The following SPAG16 variants were observed in gnomAD, a reference collection of about 807,000 sequenced individuals.
The protein encoded by SPAG16 is sperm associated antigen 16, also known as sperm-associated antigen 16 protein.
Under a neutral mutation model 80.4 loss-of-function variants are expected in SPAG16, and 86 were observed. That is an observed-to-expected ratio of 1.07 (90% confidence interval 0.90 to 1.28). The LOEUF (loss-of-function observed/expected upper bound fraction) is 1.28. Among genes scored for constraint, SPAG16 ranks in the 50% most tolerant of loss-of-function variants. SPAG16 has a pLI of 0.00. For synonymous variants in SPAG16, 294 were observed against 265.9 expected, an observed-to-expected ratio of 1.11 and a Z score of -1.03; for missense variants, 870 against 765.3, an observed-to-expected ratio of 1.14 and a Z score of -1.61.
At chr2:214,343,212 T>TA (rs796596834) in intron 15 of SPAG16, among the ~76,000 whole-genome samples, 2 of 152,298 alleles carry the variant, frequency 1.3e-5, no homozygotes, top group African/African-American at 4.8e-5. Context: ...CCTCATCTTA[T>TA]ATATGGAGGA....
In SPAG16 at chr2:213,302,820, A is replaced by G. The variant is rs574993153; in HGVS notation, c.279+5463A>G. On this transcript the variant is annotated intron_variant, in intron 3 of 15. Coordinates refer to ENST00000331683, the MANE Select transcript of SPAG16 (RefSeq NM_024532.5). ...GCATGGTGCACATTCAGGAAGACAC[A>G]GAATGCAAACATTTATTTGAAAGGG... Among the ~76,000 whole-genome samples, 4 of 152,264 alleles carry G rather than the reference A, an allele frequency of 2.6e-5. No individual in the cohort carries two copies. The South Asian group carries it at 8.3e-4, about 32-fold the overall frequency.
chr2:213,917,044 TC>T (rs1386707470), intron 11 of SPAG16, among the ~76,000 whole-genome samples: 1 of 152,208 alleles, frequency 6.6e-6, no homozygotes, highest in Non-Finnish European at 1.5e-5. Flanking sequence ...GGGAATACTT[TC>T]CCCATTGCTT....
At chr2:213,309,302 A>G (rs2063083436) in intron 3 of SPAG16, among the ~76,000 whole-genome samples, 2 of 152,092 alleles carry the variant, frequency 1.3e-5, no homozygotes, top group Admixed American at 1.3e-4. Flanking sequence ...TGCTCTAACA[A>G]ACTTTATTTA....
intron 10 of SPAG16, among the ~76,000 whole-genome samples, chr2:213,816,978 G>A (rs2072582268): frequency 6.6e-6 from 1 of 151,646 alleles, no homozygotes. Flanking sequence ...TTCCCCTACA[G>A]CAATGTAATA....
chr2:214,135,322 C>T (rs1421165879), intron 14 of SPAG16, among the ~76,000 whole-genome samples: 1 of 152,142 alleles, frequency 6.6e-6, no homozygotes, highest in Non-Finnish European at 1.5e-5. Context: ...TTTCTAGTTA[C>T]TCTTCTGCCT....
intron 14 of SPAG16, among the ~76,000 whole-genome samples, chr2:214,121,719 G>A (rs185530982): frequency 2.0e-5 from 3 of 151,916 alleles, no homozygotes; most frequent in Non-Finnish European, 3.0e-5. Flanking sequence ...GACACCGTAA[G>A]GTGAAAATTC....
At chr2:214,212,358 C>T (rs983830759) in intron 15 of SPAG16, among the ~76,000 whole-genome samples, 3 of 152,018 alleles carry the variant, frequency 2.0e-5, no homozygotes, top group African/African-American at 7.2e-5. Flanking sequence ...AGGTAACTTC[C>T]TTGACCTCCC....
intron 10 of SPAG16, among the ~76,000 whole-genome samples, chr2:213,509,052 A>G (rs1400101655): frequency 2.0e-5 from 3 of 150,852 alleles, no homozygotes; most frequent in African/African-American, 7.3e-5. Context: ...GCTGGAGTGC[A>G]GTGATGCAAT....
intron 14 of SPAG16, among the ~76,000 whole-genome samples, chr2:214,145,748 A>AT (rs975273239): frequency 1.6e-4 from 25 of 152,104 alleles, no homozygotes; most frequent in African/African-American, 5.1e-4. Context: ...ACCACAAAGC[A>AT]TTTTTTTGGG....
chr2:213,548,265 T>G lies in SPAG16; in HGVS notation c.1070+58175T>G, dbSNP rs1358080067. Among the ~76,000 whole-genome samples, 5 of 152,076 alleles carry G rather than the reference T, an allele frequency of 3.3e-5. No individual in the cohort carries two copies. The East Asian group carries it at 7.7e-4, about 23-fold the overall frequency. On this transcript the variant is annotated intron_variant, in intron 10 of 15. Coordinates refer to ENST00000331683, the MANE Select transcript of SPAG16 (RefSeq NM_024532.5). ...GTTTCGCTCTGTCGCCAGGTTGGAG[T>G]GCAGTGGCGCGATCTTGGCGCACTA...
chr2:213,950,490 T>C (rs1451065780), intron 12 of SPAG16, among the ~76,000 whole-genome samples: 1 of 151,606 alleles, frequency 6.6e-6, no homozygotes, highest in Non-Finnish European at 1.5e-5. Context: ...CACCGCCCTT[T>C]AACAGTGGAG....
intron 11 of SPAG16, among the ~76,000 whole-genome samples, chr2:213,878,983 T>A (rs2076244645): frequency 6.6e-6 from 1 of 152,118 alleles, no homozygotes; most frequent in South Asian, 2.1e-4. Flanking sequence ...AATTTCTGGG[T>A]TCTCTATTCT....
chr2:213,982,130 G>T (rs993334198), intron 12 of SPAG16, among the ~76,000 whole-genome samples: 1 of 149,328 alleles, frequency 6.7e-6, no homozygotes, highest in African/African-American at 2.6e-5. Context: ...GTTCTAGTTA[G>T]TACTACATTC....
chr2:214,271,931 G>T (rs756610263), intron 15 of SPAG16, among the ~76,000 whole-genome samples: 9 of 151,704 alleles, frequency 5.9e-5, no homozygotes, highest in Non-Finnish European at 1.3e-4. Flanking sequence ...CAGATCTAGA[G>T]GTTAAGCTTT....
At chr2:213,852,191 T>C (rs2105911959) in intron 10 of SPAG16, among the ~76,000 whole-genome samples, 1 of 152,284 alleles carries the variant, frequency 6.6e-6, no homozygotes, top group Non-Finnish European at 1.5e-5. Context: ...GTGGTGAAAA[T>C]ACCAATATAC....
intron 10 of SPAG16, among the ~76,000 whole-genome samples, chr2:213,659,823 TAAAC>T (rs2063351653): frequency 1.3e-5 from 2 of 152,178 alleles, no homozygotes; most frequent in Admixed American, 6.5e-5. Flanking sequence ...AGAGCAAAAT[TAAAC>T]AAAACTAATT....
At chr2:214,209,927 T>C (rs1446368094) in intron 15 of SPAG16, among the ~76,000 whole-genome samples, 1 of 152,178 alleles carries the variant, frequency 6.6e-6, no homozygotes, top group Non-Finnish European at 1.5e-5. Flanking sequence ...GTTTGTCATA[T>C]GACCTTTTAC....
intron 12 of SPAG16, among the ~76,000 whole-genome samples, chr2:213,957,357 A>G (rs1045844289): frequency 6.6e-6 from 1 of 152,154 alleles, no homozygotes; most frequent in Non-Finnish European, 1.5e-5. Flanking sequence ...AACTTTTACT[A>G]ATATATGGGG....
chr2:213,789,091 C>G (rs1286010155), intron 10 of SPAG16, among the ~76,000 whole-genome samples: 2 of 151,786 alleles, frequency 1.3e-5, no homozygotes, highest in African/African-American at 4.8e-5. Flanking sequence ...TTTGGAAGAA[C>G]CATTTTAATC....
Sources: gnomAD v4.1 joint callset for allele counts (sites outside exome capture counted in the v4.1 genomes callset) on GRCh38, gnomAD v4.1.1 for gene constraint, MANE v1.5 for transcripts, NCBI Gene and HGNC (gene_info 2026-07-23, HGNC 2026-07-21) for gene names.